SUMF1: variants seen among roughly 807,000 people sequenced by gnomAD.
SUMF1 encodes the protein formylglycine-generating enzyme.
In SUMF1, 48 loss-of-function variants were observed where a neutral mutation model predicts 47.6. The ratio of observed to expected loss-of-function variants is 1.01; its 90% confidence interval spans 0.80 to 1.28. SUMF1 has a LOEUF of 1.28. SUMF1 is among the 50% of genes most tolerant of loss of function. SUMF1 has a pLI of 0.00. For missense variants in SUMF1, 571 were observed against 485.4 expected (o/e 1.18, Z -1.66); for synonymous variants, 230 against 192.1 (o/e 1.20, Z -1.63).
At chr3:4,211,203 C>CATACATATATATATATATATAT (rs779146352) in intron 8 of SUMF1, among the ~76,000 whole-genome samples, 1 of 98,180 alleles carries the variant, frequency 1.0e-5, no homozygotes, top group African/African-American at 3.9e-5. Context: ...TACATACATA[C>CATACATATATATATATATATAT]ATATATATAT....
intron 3 of SUMF1, among the ~76,000 whole-genome samples, chr3:4,436,807 T>G (rs1289886918): frequency 8.0e-6 from 1 of 125,432 alleles, no homozygotes; most frequent in South Asian, 2.4e-4. Flanking sequence ...CCTAGAATAA[T>G]AAAGACAGGA....
chr3:4,424,948 T>C (rs1271752131), intron 3 of SUMF1, among the ~76,000 whole-genome samples: 2 of 152,228 alleles, frequency 1.3e-5, no homozygotes, highest in Non-Finnish European at 2.9e-5. Flanking sequence ...GACTGTCTTA[T>C]GTATTGCAGG....
In SUMF1 at chr3:4,313,317, C is replaced by T. The variant is rs760457683; in HGVS notation, c.1014+63013G>A. ...TACAAACAAAATCCGACTCCAATTA[C>T]ATTATAGCCATCAGGGAACATGTTT... On this transcript the variant is annotated intron_variant and NMD_transcript_variant, in intron 8 of 12. Transcript: ENST00000448413. 5.0e-6 allele frequency: 8 copies of T among 1,613,918 alleles called. No individual in the cohort carries two copies. In the Admixed American group the frequency reaches 6.7e-5, roughly 13 times the overall value.
At chr3:4,350,996 G>C (rs369994535) in intron 8 of SUMF1, among the ~76,000 whole-genome samples, 2 of 151,800 alleles carry the variant, frequency 1.3e-5, no homozygotes, top group Admixed American at 1.3e-4. Flanking sequence ...ACTAGAGGGA[G>C]AACATCACAC....
At chr3:4,035,890 A>G (rs1342557562) in intron 9 of SUMF1, among the ~76,000 whole-genome samples, 1 of 152,166 alleles carries the variant, frequency 6.6e-6, no homozygotes, top group Admixed American at 6.6e-5. Flanking sequence ...TATGTTAGAG[A>G]CACTGCAGTT....
intron 3 of SUMF1, among the ~76,000 whole-genome samples, chr3:4,421,600 A>G (rs1400612256): frequency 6.6e-6 from 1 of 152,030 alleles, no homozygotes; most frequent in African/African-American, 2.4e-5. Flanking sequence ...CCGCCTCACC[A>G]TCCCAAGTAC....
Position 4,301,477 on chromosome 3 carries a change from G to T in SUMF1, c.1014+74853C>A, listed in dbSNP as rs76372921. Reference sequence around the variant, plus strand: ...TTCAAAGGTCATTGTAGCAGCGGCAGTAAGGGTGATTTGGGGATATGGAGA... The same window carrying T: ...TTCAAAGGTCATTGTAGCAGCGGCATTAAGGGTGATTTGGGGATATGGAGA... On this transcript the variant is annotated intron_variant and NMD_transcript_variant, in intron 8 of 12. Transcript: ENST00000448413. Among the ~76,000 whole-genome samples the T allele has an allele frequency of 2.0e-4, 31 of 152,342 alleles. No individual in the cohort carries two copies. In the East Asian group the frequency reaches 5.8e-3, roughly 28 times the overall value.
At chr3:4,241,657 A>G (rs1190524775) in intron 8 of SUMF1, among the ~76,000 whole-genome samples, 1 of 152,152 alleles carries the variant, frequency 6.6e-6, no homozygotes, top group Non-Finnish European at 1.5e-5. Flanking sequence ...CTTAAAAATG[A>G]AGCAGCAGCG....
intron 8 of SUMF1, among the ~76,000 whole-genome samples, chr3:4,271,941 G>T (rs1697314114): frequency 6.6e-6 from 1 of 152,188 alleles, no homozygotes; most frequent in Admixed American, 6.5e-5. Flanking sequence ...GTTGATGTAA[G>T]ATAAGCCAAG....
Position 4,234,347 on chromosome 3 carries a change from A to G in SUMF1, c.1014+141983T>C, listed in dbSNP as rs1243348578. Among the ~76,000 whole-genome samples, 2 of 152,208 alleles carry G rather than the reference A, an allele frequency of 1.3e-5. 1 individual carries two copies. Among genetic ancestry groups the G allele is most frequent in the African/African-American group, 4.8e-5 (2 of 41,572 alleles). ...AATATGAATTGTTACAGGTCTTTCA[A>G]CTTCTAAGCACAAGCAGCAATTGGA... On this transcript the variant is annotated intron_variant and NMD_transcript_variant, in intron 8 of 12. Coordinates refer to the SUMF1 transcript ENST00000448413.
At chr3:4,118,637 C>T (rs1168498722) in intron 8 of SUMF1, among the ~76,000 whole-genome samples, 3 of 152,112 alleles carry the variant, frequency 2.0e-5, no homozygotes, top group African/African-American at 7.2e-5. Context: ...ATAGTAACTA[C>T]ACTTATTGAA....
At chr3:4,322,000 CA>C (rs2125117790) in intron 8 of SUMF1, among the ~76,000 whole-genome samples, 1 of 152,240 alleles carries the variant, frequency 6.6e-6, no homozygotes, top group East Asian at 1.9e-4. Context: ...TCTTGCTCCC[CA>C]AACCCATAAC....
chr3:4,352,296 G>A (rs1443029271), intron 8 of SUMF1, among the ~76,000 whole-genome samples: 1 of 152,018 alleles, frequency 6.6e-6, no homozygotes, highest in Non-Finnish European at 1.5e-5. Context: ...AAAATAACCA[G>A]TTCCCCCCCA....
At chr3:4,246,943 G>C (rs1278507467) in intron 8 of SUMF1, among the ~76,000 whole-genome samples, 3 of 152,116 alleles carry the variant, frequency 2.0e-5, no homozygotes, top group East Asian at 3.8e-4. Flanking sequence ...GGTATGTTTA[G>C]CCAGTTTTTT....
At chr3:4,134,369 C>T (rs901689407) in intron 8 of SUMF1, among the ~76,000 whole-genome samples, 15 of 152,140 alleles carry the variant, frequency 9.9e-5, no homozygotes, top group Non-Finnish European at 1.8e-4. Flanking sequence ...TGAATGACTA[C>T]TGGGTACATA....
At chr3:4,094,860 G>T (rs17039866) in intron 8 of SUMF1, among the ~76,000 whole-genome samples, 5 of 151,958 alleles carry the variant, frequency 3.3e-5, no homozygotes, top group South Asian at 2.1e-4. Context: ...TCAAAGGAGA[G>T]GGATCGTGAT....
chr3:4,152,202 T>C (rs1694351872), intron 8 of SUMF1, among the ~76,000 whole-genome samples: 1 of 151,650 alleles, frequency 6.6e-6, no homozygotes, highest in Admixed American at 6.5e-5. Flanking sequence ...CTTAGAAATT[T>C]GCCTGGCACA....
chr3:4,199,035 T>C (rs757553990), intron 8 of SUMF1, among the ~76,000 whole-genome samples: 1 of 152,088 alleles, frequency 6.6e-6, no homozygotes, highest in East Asian at 1.9e-4. Context: ...TTCGACCACT[T>C]GAAGTTTACA....
At chr3:4,344,732 C>T (rs9848608) in intron 8 of SUMF1, among the ~76,000 whole-genome samples, 22,311 of 151,904 alleles carry the variant, frequency 0.15, 1,776 homozygotes, top group Middle Eastern at 0.22. Flanking sequence ...TAAAAAATTA[C>T]GATGAGCTAA....
Sources: allele counts gnomAD v4.1 joint callset (sites outside exome capture counted in the v4.1 genomes callset), GRCh38; gene constraint gnomAD v4.1.1; transcripts MANE v1.5; gene names NCBI Gene and HGNC (gene_info 2026-07-23, HGNC 2026-07-21).